PPFIBP2: variants seen among roughly 807,000 people sequenced by gnomAD.
PPFIBP2 encodes the protein PPFIB scaffold protein 2, also known as liprin-beta-2.
Under a neutral mutation model 118.3 loss-of-function variants are expected in PPFIBP2, and 118 were observed. The ratio of observed to expected loss-of-function variants is 1.00; its 90% confidence interval spans 0.86 to 1.16. PPFIBP2 has a LOEUF of 1.16. Among genes scored for constraint, PPFIBP2 ranks in the 50% most tolerant of loss-of-function variants. The probability of loss-of-function intolerance (pLI) is 0.00; values close to 1 mark genes in which losing one functional copy is unlikely to be tolerated. For missense variants in PPFIBP2, 1,195 were observed against 1,073.1 expected, an observed-to-expected ratio of 1.11 and a Z score of -1.59; for synonymous variants, 414 against 397.4, an observed-to-expected ratio of 1.04 and a Z score of -0.50.
At chr11:7,627,247 C>T (rs1227544518) in intron 8 of PPFIBP2, among the ~76,000 whole-genome samples, 3 of 152,142 alleles carry the variant, frequency 2.0e-5, no homozygotes, top group African/African-American at 7.2e-5. Context: ...TCATCTAGAG[C>T]TTACTGCCCT....
At chr11:7,587,822 A>C (rs1167912550) in intron 3 of PPFIBP2, among the ~76,000 whole-genome samples, 1 of 152,228 alleles carries the variant, frequency 6.6e-6, no homozygotes, top group Non-Finnish European at 1.5e-5. Context: ...GGATCTTTCT[A>C]AGAAGATGGC....
chr11:7,540,938 A>G (rs1851711803), intron 1 of PPFIBP2, among the ~76,000 whole-genome samples: 1 of 152,206 alleles, frequency 6.6e-6, no homozygotes. Context: ...TGCCTTAGTG[A>G]TAAGGCATCT....
At chr11:7,620,655 C>T (rs917433931) in intron 6 of PPFIBP2, among the ~76,000 whole-genome samples, 3 of 152,192 alleles carry the variant, frequency 2.0e-5, no homozygotes, top group African/African-American at 7.2e-5. Context: ...GTGATGTTGG[C>T]ATACCCCACA....
At chr11:7,591,878 T>C (rs1254890292) in intron 3 of PPFIBP2, among the ~76,000 whole-genome samples, 3 of 152,202 alleles carry the variant, frequency 2.0e-5, no homozygotes, top group African/African-American at 7.2e-5. Flanking sequence ...CTCCCTCACC[T>C]ATGCAGTGCA....
At chr11:7,649,419 G>A (rs935369872) in intron 20 of PPFIBP2, 113 bp from the exon 21 acceptor site, 25 of 1,428,772 alleles carry the variant, frequency 1.7e-5, no homozygotes, top group South Asian at 8.9e-5. Context: ...GTGTCTCCAC[G>A]TGCACCTTCC....
downstream of PPFIBP2, among the ~76,000 whole-genome samples, chr11:7,657,403 G>C (rs921460258): frequency 6.6e-6 from 1 of 152,116 alleles, no homozygotes; most frequent in Admixed American, 6.5e-5. Flanking sequence ...AGGGGTATCT[G>C]TGCGACTCCC....
At chr11:7,562,943 A>ATAT (rs1854485677) in intron 2 of PPFIBP2, among the ~76,000 whole-genome samples, 2 of 28,444 alleles carry the variant, frequency 7.0e-5, no homozygotes, top group Admixed American at 4.1e-4. Context: ...ATATATATAT[A>ATAT]TATATATATA....
chr11:7,551,020 C>G (rs1852914702), intron 2 of PPFIBP2, among the ~76,000 whole-genome samples: 1 of 151,992 alleles, frequency 6.6e-6, no homozygotes, highest in Non-Finnish European at 1.5e-5. Flanking sequence ...ACTTAATAAA[C>G]TCCCCTTTAT....
chr11:7,555,809 A>G (rs1296577365), intron 2 of PPFIBP2, among the ~76,000 whole-genome samples: 1 of 152,100 alleles, frequency 6.6e-6, no homozygotes, highest in Non-Finnish European at 1.5e-5. Flanking sequence ...TCTCTGAAAG[A>G]GTTTGGATAA....
intron 6 of PPFIBP2, among the ~76,000 whole-genome samples, chr11:7,614,803 G>T (rs1420456030): frequency 6.6e-6 from 1 of 152,218 alleles, no homozygotes; most frequent in African/African-American, 2.4e-5. Flanking sequence ...CTGTGATTAT[G>T]GGAGGTGCCC....
At chr11:7,521,614 A>G (rs926183844) in intron 1 of PPFIBP2, among the ~76,000 whole-genome samples, 6 of 152,224 alleles carry the variant, frequency 3.9e-5, no homozygotes, top group African/African-American at 1.2e-4. Flanking sequence ...AAGATCTGCT[A>G]TGCTATTTCA....
intron 1 of PPFIBP2, among the ~76,000 whole-genome samples, chr11:7,546,627 C>G (rs1299480647): frequency 1.3e-5 from 2 of 152,222 alleles, no homozygotes; most frequent in Non-Finnish European, 2.9e-5. Context: ...TGCCCTTGTA[C>G]TGCATATGTG....
chr11:7,662,941 G>A, the PPFIBP2 span, among the ~76,000 whole-genome samples: 48 of 135,344 alleles, frequency 3.5e-4, no homozygotes, highest in African/African-American at 1.2e-3. Context: ...TGATCGCATC[G>A]GCTCCTGAGG....
At chr11:7,576,854 C>CT (rs544480610) in intron 3 of PPFIBP2, 37 of 152,386 alleles carry the variant, frequency 2.4e-4, no homozygotes, top group Middle Eastern at 3.4e-3. Flanking sequence ...ACTGGAGCTG[C>CT]TTTTTTTTGG....
intron 2 of PPFIBP2, among the ~76,000 whole-genome samples, chr11:7,553,918 T>G (rs1402291047): frequency 6.6e-6 from 1 of 152,226 alleles, no homozygotes; most frequent in South Asian, 2.1e-4. Flanking sequence ...AGGATACTTT[T>G]CTGCTCTTGC....
At chr11:7,526,001 A>G (rs1302333838) in intron 1 of PPFIBP2, among the ~76,000 whole-genome samples, 1 of 152,208 alleles carries the variant, frequency 6.6e-6, no homozygotes, top group Admixed American at 6.5e-5. Context: ...AGTGATGTCA[A>G]AGAAAACTAA....
downstream of PPFIBP2, among the ~76,000 whole-genome samples, chr11:7,659,514 T>C (rs1055664714): frequency 6.6e-6 from 1 of 150,420 alleles, no homozygotes; most frequent in African/African-American, 2.4e-5. Context: ...TATATCTCTG[T>C]TTTGGTACCA....
intron 12 of PPFIBP2, among the ~76,000 whole-genome samples, chr11:7,633,665 A>G (rs147449591): frequency 1.6e-4 from 24 of 152,312 alleles, no homozygotes; most frequent in African/African-American, 5.5e-4. Flanking sequence ...CTTTCCAGAA[A>G]GCAGTTGTTC....
intron 3 of PPFIBP2, among the ~76,000 whole-genome samples, chr11:7,566,876 C>T (rs1159994590): frequency 6.6e-6 from 1 of 152,138 alleles, no homozygotes; most frequent in Non-Finnish European, 1.5e-5. Context: ...ATATTTTTCC[C>T]TGTACACCCA....
Sources: allele counts gnomAD v4.1 joint callset (sites outside exome capture counted in the v4.1 genomes callset), GRCh38; gene constraint gnomAD v4.1.1; transcripts MANE v1.5; gene names NCBI Gene and HGNC (gene_info 2026-07-23, HGNC 2026-07-21).